The following RBFOX1 variants were observed in gnomAD, a reference collection of about 807,000 sequenced individuals.
The protein encoded by RBFOX1 is RNA binding fox-1 homolog 1.
Under a neutral mutation model 57.7 loss-of-function variants are expected in RBFOX1, and 8 were observed. That is an observed-to-expected ratio of 0.14 (90% confidence interval 0.08 to 0.25). The LOEUF (loss-of-function observed/expected upper bound fraction) is 0.25. RBFOX1 is among the 10% of genes least tolerant of loss of function. RBFOX1 has a pLI of 1.00. For missense variants in RBFOX1, 611 were observed against 548.5 expected (o/e 1.11, Z -1.14); for synonymous variants, 326 against 222.4 (o/e 1.47, Z -4.15).
chr16:6,279,565 C>T (rs1017357367), intron 1 of RBFOX1, among the ~76,000 whole-genome samples: 1 of 152,152 alleles, frequency 6.6e-6, no homozygotes, highest in Admixed American at 6.6e-5. Context: ...GTGTAAGTCT[C>T]ACTGAATACA....
At chr16:7,068,827 G>T (rs1018775538) in intron 4 of RBFOX1, among the ~76,000 whole-genome samples, 3 of 152,184 alleles carry the variant, frequency 2.0e-5, no homozygotes, top group Admixed American at 6.5e-5. Flanking sequence ...GACCTCAAGT[G>T]GTCCACCTGC....
At chr16:7,067,373 A>G (rs975318703) in intron 4 of RBFOX1, among the ~76,000 whole-genome samples, 3 of 152,142 alleles carry the variant, frequency 2.0e-5, no homozygotes, top group African/African-American at 2.4e-5. Flanking sequence ...CAGAATTTCA[A>G]CAAGAATCTC....
At chr16:5,261,788 G>C (rs2062740534) in intron 1 of RBFOX1, among the ~76,000 whole-genome samples, 1 of 152,134 alleles carries the variant, frequency 6.6e-6, no homozygotes. Flanking sequence ...CTGACCTCGT[G>C]ATCCGCTGGC....
chr16:7,316,947 C>T (rs1278533874), intron 4 of RBFOX1, among the ~76,000 whole-genome samples: 3 of 128,834 alleles, frequency 2.3e-5, no homozygotes, highest in Non-Finnish European at 3.2e-5. Context: ...TTTGCCAAGA[C>T]GAATGAAGAA....
intron 1 of RBFOX1, among the ~76,000 whole-genome samples, chr16:6,272,682 A>G (rs1260079433): frequency 1.3e-5 from 2 of 152,226 alleles, no homozygotes; most frequent in African/African-American, 4.8e-5. Flanking sequence ...TTCAAAAACA[A>G]AACTTCTTAT....
chr16:5,987,920 A>G (rs2060313536), intron 4 of RBFOX1, among the ~76,000 whole-genome samples: 1 of 152,188 alleles, frequency 6.6e-6, no homozygotes, highest in Non-Finnish European at 1.5e-5. Flanking sequence ...ACTGTATTCC[A>G]AGATTTCTAG....
At chr16:5,804,897 G>A (rs1251216476) in intron 3 of RBFOX1, among the ~76,000 whole-genome samples, 10 of 152,102 alleles carry the variant, frequency 6.6e-5, no homozygotes, top group African/African-American at 9.7e-5. Context: ...GGGAATTGAC[G>A]GCTCTTGAGA....
intron 2 of RBFOX1, among the ~76,000 whole-genome samples, chr16:5,468,599 C>G (rs2069028483): frequency 6.6e-6 from 1 of 152,208 alleles, no homozygotes; most frequent in Non-Finnish European, 1.5e-5. Context: ...AGCACATGGA[C>G]ACACGACTTC....
At chr16:5,865,374 C>T (rs536285644) in intron 3 of RBFOX1, among the ~76,000 whole-genome samples, 20 of 152,264 alleles carry the variant, frequency 1.3e-4, no homozygotes, top group Middle Eastern at 3.4e-3. Context: ...GGGAAGGTTC[C>T]AAACTCTGAC....
chr16:7,270,128 G>A (rs1297284371), intron 4 of RBFOX1, among the ~76,000 whole-genome samples: 3 of 152,208 alleles, frequency 2.0e-5, no homozygotes, highest in Admixed American at 1.3e-4. Flanking sequence ...GAGAGGTGGA[G>A]CTAAGATGGG....
intron 4 of RBFOX1, among the ~76,000 whole-genome samples, chr16:7,320,677 A>G (rs2096529729): frequency 6.6e-6 from 1 of 152,246 alleles, no homozygotes; most frequent in Non-Finnish European, 1.5e-5. Flanking sequence ...TAGTAAGTGA[A>G]TCATCATTTA....
chr16:6,858,439 A>C (rs749645152), intron 3 of RBFOX1, among the ~76,000 whole-genome samples: 17 of 152,152 alleles, frequency 1.1e-4, no homozygotes, highest in Admixed American at 2.0e-4. Flanking sequence ...GGAGTTCCAC[A>C]ATCTCGTTAT....
chr16:5,859,939 A>G (rs981218055), intron 3 of RBFOX1, among the ~76,000 whole-genome samples: 1 of 152,204 alleles, frequency 6.6e-6, no homozygotes, highest in Non-Finnish European at 1.5e-5. Context: ...GGTCAGGAAG[A>G]CTGGAAGCCT....
intron 4 of RBFOX1, among the ~76,000 whole-genome samples, chr16:7,403,991 G>A (rs1020542940): frequency 5.5e-5 from 8 of 146,512 alleles, no homozygotes; most frequent in Admixed American, 1.4e-4. Flanking sequence ...TGAATATGCC[G>A]CAGTGAACAT....
chr16:7,074,730 A>C (rs1452584103), intron 4 of RBFOX1, among the ~76,000 whole-genome samples: 1 of 152,232 alleles, frequency 6.6e-6, no homozygotes, highest in Non-Finnish European at 1.5e-5. Context: ...GCATGGGGAA[A>C]AACAAGCAGT....
At chr16:6,382,210 G>A (rs1233597152) in intron 2 of RBFOX1, among the ~76,000 whole-genome samples, 1 of 152,146 alleles carries the variant, frequency 6.6e-6, no homozygotes, top group East Asian at 1.9e-4. Flanking sequence ...AATTGCAAGA[G>A]CCATTTTAGC....
chr16:5,280,911 C>A, intron 1 of RBFOX1, among the ~76,000 whole-genome samples: 1 of 150,128 alleles, frequency 6.7e-6, no homozygotes, highest in South Asian at 2.1e-4. Flanking sequence ...TGATTATTTG[C>A]ATTTCTTTTT....
intron 4 of RBFOX1, among the ~76,000 whole-genome samples, chr16:7,189,932 T>C (rs763509014): frequency 9.8e-5 from 15 of 152,328 alleles, no homozygotes; most frequent in Non-Finnish European, 2.1e-4. Flanking sequence ...ATAGAAGAGC[T>C]TGGGCAAGAC....
chr16:7,027,511 G>T (rs2041321933), intron 3 of RBFOX1, among the ~76,000 whole-genome samples: 1 of 104,938 alleles, frequency 9.5e-6, no homozygotes, highest in South Asian at 4.2e-4. Flanking sequence ...AACTCAAGCA[G>T]TCTGGCTTCA....
Sources: allele counts gnomAD v4.1 joint callset (sites outside exome capture counted in the v4.1 genomes callset), GRCh38; gene constraint gnomAD v4.1.1; transcripts MANE v1.5; gene names NCBI Gene and HGNC (gene_info 2026-07-23, HGNC 2026-07-21).